The following CEP290 variants were observed in gnomAD, a reference collection of about 807,000 sequenced individuals.
The protein encoded by CEP290 is centrosomal protein 290.
CEP290 carries 317 observed loss-of-function variants against 344.9 expected under a neutral mutation model. The ratio of observed to expected loss-of-function variants is 0.92; its 90% CI spans 0.84 to 1.01. CEP290 has a LOEUF of 1.01. Ranked by LOEUF, CEP290 falls within the 50% of genes least tolerant of loss-of-function variation. The pLI, the probability that CEP290 is intolerant of heterozygous loss-of-function variation, is 0.00. For missense variants in CEP290, 2,754 were observed against 2,761.4 expected (o/e 1.00, Z 0.06); for synonymous variants, 932 against 895.8 (o/e 1.04, Z -0.72).
intron 11 of CEP290, among the ~76,000 whole-genome samples, chr12:88,126,966 C>G (rs957120243): frequency 4.6e-5 from 7 of 151,912 alleles, no homozygotes; most frequent in African/African-American, 1.2e-4. Flanking sequence ...CAAGCCAGTT[C>G]TATAATTCAC....
chr12:88,083,905 T>C lies in CEP290; in HGVS notation c.4754A>G (p.His1585Arg), dbSNP rs199826787. 9.0e-5 allele frequency: 144 copies of C among 1,599,384 alleles called. No homozygotes were observed. Among genetic ancestry groups the C allele is most frequent in the Middle Eastern group, 8.3e-4 (5 of 6,046 alleles). The change falls in exon 36 of 54, where the codon CAT becomes CGT. Residue 1585 changes from histidine (H) to arginine (R), a missense_variant. His to Arg is a conservative substitution (Grantham distance 29, BLOSUM62 0). Transcript: ENST00000552810. ...ATCAGCCTGTAGTTCTAATCTGTGA[T>C]GAAGAATATGAAGGTCTTCCTCATG... is the stretch of plus-strand genomic sequence containing the variant. ...KKHEEDLHIL[H>R]HRLELQADSS...
intron 49 of CEP290, among the ~76,000 whole-genome samples, chr12:88,056,290 T>A (rs1042551236): frequency 1.3e-5 from 2 of 151,476 alleles, no homozygotes; most frequent in Non-Finnish European, 2.9e-5. Flanking sequence ...AAAAAAAAAA[T>A]TCATAATTGA....
chr12:88,050,405 T>G lies in CEP290; in HGVS notation c.7158A>C (p.Lys2386Asn). ...PDADQLKEKI[K>N]DLETQLKMSD... ...ACATTTTGAGCTGTGTCTCTAGATCTTTTATTTTTTCCTTTAGTTGATCAG... is the reference window on the plus strand; with the variant it reads ...ACATTTTGAGCTGTGTCTCTAGATCGTTTATTTTTTCCTTTAGTTGATCAG... Residue 2386 changes from lysine to asparagine, a missense_variant, in exon 53 of 54, where the codon AAA becomes AAC. Physicochemically the swap from Lys to Asn is moderately conservative, Grantham distance 94. Coordinates refer to ENST00000552810, the MANE Select transcript of CEP290 (RefSeq NM_025114.4). 6.4e-7 allele frequency: 1 copy of G among 1,561,296 alleles called. No individual in the cohort carries two copies. The highest frequency in any genetic ancestry group is 8.8e-7 in the Non-Finnish European group (1 of 1,142,734).
chr12:88,067,762 T>C (rs888028354), intron 44 of CEP290, among the ~76,000 whole-genome samples: 5 of 152,216 alleles, frequency 3.3e-5, no homozygotes, highest in African/African-American at 1.2e-4. Flanking sequence ...ATTGACTTTA[T>C]TTATTGTTTG....
intron 26 of CEP290, among the ~76,000 whole-genome samples, chr12:88,097,856 C>T (rs1387835211): frequency 6.6e-6 from 1 of 152,050 alleles, no homozygotes; most frequent in Non-Finnish European, 1.5e-5. Context: ...CCATCAGTGA[C>T]AGATGATGAT....
intron 20 of CEP290, among the ~76,000 whole-genome samples, chr12:88,112,900 G>A (rs1019430589): frequency 2.6e-5 from 4 of 152,074 alleles, no homozygotes; most frequent in Admixed American, 2.6e-4. Flanking sequence ...ATAGTGCCGT[G>A]TCTACATGGA....
intron 37 of CEP290, among the ~76,000 whole-genome samples, chr12:88,081,336 G>C (rs1489902103): frequency 6.6e-6 from 1 of 152,118 alleles, no homozygotes; most frequent in Admixed American, 6.6e-5. Context: ...TTATTAATTT[G>C]TTTATGGTTC....
intron 45 of CEP290, among the ~76,000 whole-genome samples, chr12:88,063,170 G>GA (rs1592751368): frequency 2.8e-5 from 4 of 144,110 alleles, no homozygotes; most frequent in African/African-American, 5.0e-5. Flanking sequence ...AAAAAAGTGC[G>GA]AAAAAATGGC....
rs1248968401 is a variant in CEP290 at position 88,125,304 on chromosome 12, T to C, written c.1131A>G (p.Glu377=). Residue 377 remains glutamate (E), a synonymous_variant, in exon 13 of 54, where the codon GAA becomes GAG. Transcript: ENST00000552810. ...CAATAATACAAGTATTCTTTTCCAT[T>C]TCTTTTGTATATTGTTCTACTTGTT... ...LTEQVEQYTK[E]MEKNTCIIED... is the part of the protein sequence containing the mutation. The C allele has an allele frequency of 6.6e-6, 8 of 1,216,978 alleles. No individual in the cohort carries two copies. Among genetic ancestry groups the C allele is most frequent in the Non-Finnish European group, 8.8e-6 (8 of 913,408 alleles). The allele number at this position is 1,216,978 out of a possible 1,614,324, so 75.4% of individuals were successfully genotyped here.
At chr12:88,119,628 A>G (rs550433832) in intron 15 of CEP290, among the ~76,000 whole-genome samples, 1 of 152,098 alleles carries the variant, frequency 6.6e-6, no homozygotes, top group Non-Finnish European at 1.5e-5. Flanking sequence ...GTGAAATCCC[A>G]TCTCTACCAA....
At chr12:88,131,243 A>T in intron 6 of CEP290, 25 bp from the exon 7 acceptor site, 1 of 1,445,010 alleles carries the variant, frequency 6.9e-7, no homozygotes, top group Non-Finnish European at 9.1e-7. Context: ...AAAAAAAATA[A>T]ATAAGAAGAA....
At chr12:88,091,171 G>A (rs959158065) in intron 29 of CEP290, among the ~76,000 whole-genome samples, 1 of 151,942 alleles carries the variant, frequency 6.6e-6, no homozygotes, top group Non-Finnish European at 1.5e-5. Context: ...AATGTATATA[G>A]CCAAAGAACT....
intron 46 of CEP290, 40 bp from the exon 47 acceptor site, chr12:88,061,034 G>A: frequency 6.9e-7 from 1 of 1,440,318 alleles, no homozygotes; most frequent in Non-Finnish European, 9.4e-7. Flanking sequence ...AAATATTTTA[G>A]TAAGTATAAT....
At chr12:88,103,196 T>C (rs2038029640) in intron 25 of CEP290, 185 bp from the exon 26 acceptor site, 1 of 375,878 alleles carries the variant, frequency 2.7e-6, no homozygotes, top group Non-Finnish European at 4.7e-6. Context: ...AAATGTTACT[T>C]TGAAAATCTT....
At position 88,125,351 on chromosome 12, in the gene CEP290, T is replaced by TTA; in HGVS notation, c.1083_1084insTA (p.Ser362Ter). ...TGTTCGGTGAGCATCTTAATTTGAC[T>TTA]GTCTCGTTCCTGTATACCCTATAAA... is the stretch of plus-strand genomic sequence containing the variant. On this transcript the variant is annotated frameshift_variant, in exon 13 of 54. Transcript: ENST00000552810. LOFTEE classifies it high-confidence loss of function. The TTA allele has an allele frequency of 7.6e-7, 1 of 1,318,330 alleles. No individual in the cohort carries two copies. The highest frequency in any genetic ancestry group is 3.0e-5 in the East Asian group (1 of 33,340). 81.7% of individuals were successfully genotyped at this position (1,318,330 alleles called of 1,614,324 possible).
rs1443831395 is a variant in CEP290, at chr12:88,130,284, T to C, written c.653A>G (p.Tyr218Cys). ...LSKKNYELIQ[Y>C]LDEIQTLTEA... Reference sequence around the variant, plus strand: ...CCATTTTACCTGAATTTCATCAAGATATTGGATAAGCTCATAGTTTTTTTT... The same window carrying C: ...CCATTTTACCTGAATTTCATCAAGACATTGGATAAGCTCATAGTTTTTTTT... Residue 218 changes from tyrosine (Y) to cysteine (C), a missense_variant, in exon 9 of 54, where the codon TAT becomes TGT. Tyr to Cys is a radical substitution (Grantham distance 194). Transcript: ENST00000552810. 1 of 1,602,394 alleles carries C rather than the reference T, an allele frequency of 6.2e-7. No homozygotes were observed. Among genetic ancestry groups the C allele is most frequent in the Admixed American group, 1.7e-5 (1 of 57,364 alleles).
At chr12:88,125,094 A>G (rs2039649408) in intron 13 of CEP290, among the ~76,000 whole-genome samples, 152 bp downstream of exon 13, 1 of 151,910 alleles carries the variant, frequency 6.6e-6, no homozygotes, top group South Asian at 2.1e-4. Context: ...CACTAGTAAT[A>G]TAAGTATAAT....
chr12:88,085,705 T>C (rs187377705), intron 34 of CEP290, among the ~76,000 whole-genome samples: 3 of 152,232 alleles, frequency 2.0e-5, no homozygotes, highest in Admixed American at 1.3e-4. Flanking sequence ...TCATAGATTA[T>C]GTAACATGCA....
At chr12:88,115,862 A>T (rs2039008013) in intron 18 of CEP290, 1 of 982,412 alleles carries the variant, frequency 1.0e-6, no homozygotes, top group Non-Finnish European at 1.2e-6. Flanking sequence ...TAATAGACAC[A>T]GGGTCTGGAA....
Sources: allele counts gnomAD v4.1 joint callset (sites outside exome capture counted in the v4.1 genomes callset), GRCh38; gene constraint gnomAD v4.1.1; transcripts MANE v1.5; gene names NCBI Gene and HGNC (gene_info 2026-07-23, HGNC 2026-07-21).